CRKL: variants seen among roughly 807,000 people sequenced by gnomAD.
CRKL encodes crk-like protein.
A neutral mutation model predicts 23.0 loss-of-function variants in CRKL; 3 were observed. The observed-to-expected ratio is 0.13, with a 90% CI of 0.06 to 0.34. The LOEUF is 0.34. CRKL is among the 10% of genes least tolerant of loss of function. The pLI is 1.00. For synonymous variants in CRKL, 188 were observed against 160.7 expected, an observed-to-expected ratio of 1.17 and a Z score of -1.28; for missense variants, 256 against 394.5, an observed-to-expected ratio of 0.65 and a Z score of 2.97.
At chr22:20,926,736 G>C (rs1351839626) in intron 1 of CRKL, among the ~76,000 whole-genome samples, 1 of 152,028 alleles carries the variant, frequency 6.6e-6, no homozygotes, top group Non-Finnish European at 1.5e-5. Context: ...AAGCATAGGA[G>C]GAGGAGCCAT....
chr22:20,939,366 G>T (rs1403809679), intron 2 of CRKL, among the ~76,000 whole-genome samples: 1 of 151,008 alleles, frequency 6.6e-6, no homozygotes, highest in African/African-American at 2.4e-5. Flanking sequence ...TCAGCCTCCG[G>T]AGTAGCTGGG....
At chr22:20,941,927 C>T (rs902383547) in intron 2 of CRKL, among the ~76,000 whole-genome samples, 2 of 152,022 alleles carry the variant, frequency 1.3e-5, no homozygotes, top group African/African-American at 2.4e-5. Flanking sequence ...GAATTGGGGC[C>T]CTGGTGTGGT....
intron 2 of CRKL, among the ~76,000 whole-genome samples, chr22:20,941,588 A>ATTTTTTTT (rs1198699701): frequency 0.01 from 336 of 33,530 alleles, 48 homozygotes; most frequent in East Asian, 0.025. Flanking sequence ...GTATATATAT[A>ATTTTTTTT]TTTTTTTTTT....
rs2147905338 is a variant in CRKL at position 20,934,041 on chromosome 22, A to T, written c.574A>T (p.Asn192Tyr). The change falls in exon 2 of 3, where the codon AAT becomes TAT. Residue 192 changes from asparagine (N) to tyrosine (Y), a missense_variant. This residue lies in a region of CRKL where 129 missense variants were observed against 222.1 expected (regional missense o/e 0.58). Transcript: ENST00000354336. ...VRSSPHGKHG[N>Y]RNSNSYGIPE... ...ATCCTCACCACACGGAAAGCATGGA[A>T]ATAGGAATTCCAACAGTTATGGGAT... 1 of 1,614,076 alleles carries T rather than the reference A, an allele frequency of 6.2e-7. No homozygotes were observed. Among genetic ancestry groups the T allele is most frequent in the South Asian group, 1.1e-5 (1 of 91,078 alleles).
chr22:20,944,758 T>C (rs1022809324), intron 2 of CRKL, among the ~76,000 whole-genome samples: 1 of 151,700 alleles, frequency 6.6e-6, no homozygotes, highest in Admixed American at 6.6e-5. Flanking sequence ...TTTTTTTTTT[T>C]CTTCTTGGAG....
chr22:20,939,289 G>A (rs895278211), intron 2 of CRKL, among the ~76,000 whole-genome samples: 4 of 141,504 alleles, frequency 2.8e-5, no homozygotes, highest in Non-Finnish European at 6.0e-5. Flanking sequence ...CTCCCAGGCT[G>A]GAGTGCAGTG....
chr22:20,941,172 C>T (rs1364624225), intron 2 of CRKL, among the ~76,000 whole-genome samples: 1 of 152,026 alleles, frequency 6.6e-6, no homozygotes, highest in Admixed American at 6.6e-5. Context: ...AACGTGAAGC[C>T]TTCTTACCAA....
chr22:20,927,128 A>AAAAAAAAAGAAAAAAAAG (rs1308213608), intron 1 of CRKL, among the ~76,000 whole-genome samples: 2 of 125,758 alleles, frequency 1.6e-5, no homozygotes, highest in Admixed American at 9.8e-5. Context: ...AAAAAAAAAA[A>AAAAAAAAAGAAAAAAAAG]AAAAAAAAGA....
Position 20,950,454 on chromosome 22 carries a change from C to T in CRKL, c.*609C>T, listed in dbSNP as rs925823715. ...TTTGAGACGGTGTCTCGCTGCATCA[C>T]CCAGGCTGGAGTGCAGTGGCGCAAT... On this transcript the variant is annotated 3_prime_UTR_variant, in exon 3 of 3. Transcript: ENST00000354336. The T allele has an allele frequency of 1.3e-5, 3 of 231,630 alleles. No homozygotes were observed. Among genetic ancestry groups the T allele is most frequent in the Non-Finnish European group, 2.6e-5 (3 of 117,290 alleles). The allele number at this position is 231,630 out of a possible 1,614,324, so 14.3% of individuals were successfully genotyped here. A position where few individuals can be genotyped will look rare whatever the true frequency, so the allele number is the denominator to read the frequency against.
At chr22:20,940,565 CCTT>C (rs1921833670) in intron 2 of CRKL, among the ~76,000 whole-genome samples, 1 of 59,042 alleles carries the variant, frequency 1.7e-5, no homozygotes, top group African/African-American at 5.0e-5. Flanking sequence ...CTTTGGTGCT[CCTT>C]TTTTTTTTTT....
chr22:20,928,007 A>G (rs747597870), intron 1 of CRKL, among the ~76,000 whole-genome samples: 30 of 151,914 alleles, frequency 2.0e-4, no homozygotes, highest in Admixed American at 3.9e-4. Flanking sequence ...TAAAAATACA[A>G]AATTAGCCCG....
intron 2 of CRKL, among the ~76,000 whole-genome samples, chr22:20,936,092 A>G (rs1921649684): frequency 6.6e-6 from 1 of 152,088 alleles, no homozygotes; most frequent in Non-Finnish European, 1.5e-5. Context: ...CCAGGTAATT[A>G]GAGGTTGCAG....
chr22:20,935,792 G>A (rs2147907554), intron 2 of CRKL, among the ~76,000 whole-genome samples: 1 of 152,218 alleles, frequency 6.6e-6, no homozygotes, highest in African/African-American at 2.4e-5. Context: ...CGCAAGTGCT[G>A]GGATTACAGG....
intron 2 of CRKL, among the ~76,000 whole-genome samples, chr22:20,949,108 T>TTC (rs1922173885): frequency 6.6e-6 from 1 of 152,140 alleles, no homozygotes; most frequent in Admixed American, 6.5e-5. Context: ...CAAAAGCTGT[T>TTC]TCTGTGTGTG....
chr22:20,921,758 AGGCTGGAGTGTGCGATCTC>A (rs1921000301), intron 1 of CRKL, among the ~76,000 whole-genome samples: 1 of 150,356 alleles, frequency 6.7e-6, no homozygotes, highest in East Asian at 1.9e-4. Flanking sequence ...TCTGTCGCCC[AGGCTGGAGTGTGCGATCTC>A]GGCTCACTGC....
At chr22:20,921,921 G>C (rs1013536924) in intron 1 of CRKL, among the ~76,000 whole-genome samples, 1 of 151,266 alleles carries the variant, frequency 6.6e-6, no homozygotes, top group African/African-American at 2.4e-5. Flanking sequence ...TGTTAGCCAG[G>C]ATAGTCTCGA....
At chr22:20,930,900 T>A (rs1340885995) in intron 1 of CRKL, among the ~76,000 whole-genome samples, 1 of 151,348 alleles carries the variant, frequency 6.6e-6, no homozygotes, top group Admixed American at 6.6e-5. Flanking sequence ...GCCAGGATGG[T>A]CTCAATCTCC....
intron 2 of CRKL, among the ~76,000 whole-genome samples, chr22:20,946,367 T>C (rs1028824811): frequency 1.3e-5 from 2 of 152,132 alleles, no homozygotes; most frequent in African/African-American, 4.8e-5. Flanking sequence ...TAACTCTTGG[T>C]AGACATAAAA....
intron 2 of CRKL, among the ~76,000 whole-genome samples, chr22:20,943,494 C>G (rs1433102554): frequency 2.6e-5 from 4 of 152,180 alleles, no homozygotes; most frequent in African/African-American, 4.8e-5. Context: ...CCTGCCTTGG[C>G]CTCCCAAAGT....
Sources: allele counts gnomAD v4.1 joint callset (sites outside exome capture counted in the v4.1 genomes callset), GRCh38; gene constraint gnomAD v4.1.1; regional missense constraint gnomAD v4.1.1; transcripts MANE v1.5; gene names NCBI Gene and HGNC (gene_info 2026-07-23, HGNC 2026-07-21).